UBA2: variants seen among roughly 807,000 people sequenced by gnomAD.
The protein encoded by UBA2 is ubiquitin like modifier activating enzyme 2.
A neutral mutation model predicts 77.2 loss-of-function variants in UBA2; 11 were observed. The ratio of observed to expected loss-of-function variants is 0.14; its 90% confidence interval spans 0.09 to 0.24. The LOEUF (loss-of-function observed/expected upper bound fraction) is 0.24, where lower values mean the gene tolerates loss of function less well. Among genes scored for constraint, UBA2 ranks in the 10% least tolerant of loss-of-function variants. The pLI is 1.00. For missense variants in UBA2, 487 were observed against 781.7 expected, an observed-to-expected ratio of 0.62 and a Z score of 4.50; for synonymous variants, 278 against 276.7, an observed-to-expected ratio of 1.00 and a Z score of -0.05.
intron 6 of UBA2, among the ~76,000 whole-genome samples, chr19:34,442,650 C>G (rs1315881911): frequency 6.6e-6 from 1 of 151,986 alleles, no homozygotes; most frequent in Non-Finnish European, 1.5e-5. Flanking sequence ...AGGCTGGTCT[C>G]AAACTCCTGA....
chr19:34,441,974 C>CCTGTGG (rs1285245185), intron 6 of UBA2, among the ~76,000 whole-genome samples: 1 of 151,100 alleles, frequency 6.6e-6, no homozygotes, highest in Non-Finnish European at 1.5e-5. Context: ...GTGACACACA[C>CCTGTGG]CTGTAATCCC....
Position 34,454,586 on chromosome 19 carries a change from AC to A in UBA2, c.1245+36del, listed in dbSNP as rs761579384. 20 of 1,101,940 alleles carry A rather than the reference AC, an allele frequency of 1.8e-5. No individual in the cohort carries two copies. In the East Asian group the frequency reaches 4.1e-4, roughly 23 times the overall value. 68.3% of individuals were successfully genotyped at this position (1,101,940 alleles called of 1,614,324 possible). ...GTATTTCTGTTTGCATTTTTATGCAACCCCCCTTAAAAAAATCATTAATTAA... is the reference window on the plus strand; with the variant it reads ...GTATTTCTGTTTGCATTTTTATGCAACCCCCTTAAAAAAATCATTAATTAA... On this transcript the variant is annotated intron_variant, in intron 12 of 16. Coordinates refer to ENST00000246548, the MANE Select transcript of UBA2 (RefSeq NM_005499.3).
intron 3 of UBA2, 117 bp from the exon 4 acceptor site, chr19:34,433,231 A>G (rs559377703): frequency 4.5e-5 from 32 of 708,474 alleles, no homozygotes; most frequent in Non-Finnish European, 7.1e-5. Context: ...ATGACATATA[A>G]TCCTGATATC....
chr19:34,443,205 G>C (rs1019926454), intron 6 of UBA2, among the ~76,000 whole-genome samples: 3 of 152,170 alleles, frequency 2.0e-5, no homozygotes, highest in African/African-American at 7.2e-5. Flanking sequence ...GTAGCTGCAG[G>C]TGTAAACACA....
intron 8 of UBA2, among the ~76,000 whole-genome samples, chr19:34,447,989 A>C (rs1299734442): frequency 6.6e-6 from 1 of 152,190 alleles, no homozygotes; most frequent in Non-Finnish European, 1.5e-5. Flanking sequence ...TAAGGGGGAG[A>C]GTGGAAAAAG....
chr19:34,466,557 T>A (rs1425608357), intron 15 of UBA2, among the ~76,000 whole-genome samples: 2 of 152,134 alleles, frequency 1.3e-5, no homozygotes, highest in African/African-American at 4.8e-5. Context: ...CACAGAAATT[T>A]GTTGTGTACC....
At chr19:34,454,172 T>A in intron 10 of UBA2, 88 bp from the exon 11 acceptor site, 1 of 1,190,286 alleles carries the variant, frequency 8.4e-7, no homozygotes, top group Non-Finnish European at 1.2e-6. Context: ...TATAGTATTA[T>A]AAACACGTGA....
intron 4 of UBA2, among the ~76,000 whole-genome samples, chr19:34,434,137 T>G (rs1568367668): frequency 6.6e-6 from 1 of 152,176 alleles, no homozygotes; most frequent in Non-Finnish European, 1.5e-5. Flanking sequence ...TTTTAAGGCT[T>G]GGGGGGTCTC....
chr19:34,431,252 T>C (rs1382640478), intron 2 of UBA2, among the ~76,000 whole-genome samples: 2 of 134,894 alleles, frequency 1.5e-5, no homozygotes, highest in Non-Finnish European at 3.2e-5. Flanking sequence ...TTCTTTTTTT[T>C]TTTTTTTTTT....
chr19:34,438,977 G>A (rs1381208381), intron 6 of UBA2, among the ~76,000 whole-genome samples: 1 of 152,176 alleles, frequency 6.6e-6, no homozygotes, highest in Non-Finnish European at 1.5e-5. Flanking sequence ...GGGAAACTGA[G>A]GTGGTCGGAT....
chr19:34,432,414 T>G (rs1219400684), intron 3 of UBA2, among the ~76,000 whole-genome samples: 1 of 152,114 alleles, frequency 6.6e-6, no homozygotes, highest in Non-Finnish European at 1.5e-5. Context: ...TTTGGAGGAG[T>G]TGGAGCAAAG....
intron 12 of UBA2, among the ~76,000 whole-genome samples, chr19:34,457,788 C>G (rs1261763105): frequency 6.6e-6 from 1 of 152,142 alleles, no homozygotes; most frequent in Admixed American, 6.5e-5. Flanking sequence ...TTTGTTGTTT[C>G]TGTTGGATCT....
At chr19:34,432,856 G>C (rs1183533129) in intron 3 of UBA2, among the ~76,000 whole-genome samples, 2 of 151,462 alleles carry the variant, frequency 1.3e-5, no homozygotes, top group African/African-American at 2.4e-5. Context: ...CACCCGGCCT[G>C]TATCTCCGGC....
chr19:34,438,822 C>A, intron 6 of UBA2, 56 bp downstream of exon 6: 1 of 1,597,182 alleles, frequency 6.3e-7, no homozygotes, highest in Non-Finnish European at 8.5e-7. Flanking sequence ...AAAATGGAGT[C>A]ATTTTTATTT....
intron 3 of UBA2, 62 bp downstream of exon 3, chr19:34,431,993 T>G (rs1320855000): frequency 8.4e-7 from 1 of 1,189,412 alleles, no homozygotes; most frequent in Non-Finnish European, 1.2e-6. Flanking sequence ...ATATATAAGC[T>G]CAAAGTCATT....
At chr19:34,456,707 G>A (rs1481925263) in intron 12 of UBA2, among the ~76,000 whole-genome samples, 1 of 151,774 alleles carries the variant, frequency 6.6e-6, no homozygotes, top group Non-Finnish European at 1.5e-5. Flanking sequence ...ACAGGCGGGT[G>A]CCACCACGCC....
chr19:34,457,180 A>AAATATATATATATATATATATG (rs67173600), intron 12 of UBA2, among the ~76,000 whole-genome samples: 1 of 39,968 alleles, frequency 2.5e-5, no homozygotes, highest in South Asian at 1.1e-3. Context: ...AAAAAAAAAA[A>AAATATATATATATATATATATG]TATATATATA....
chr19:34,456,095 C>CTTTTTTT (rs1393766434), intron 12 of UBA2, among the ~76,000 whole-genome samples: 1 of 69,622 alleles, frequency 1.4e-5, no homozygotes, highest in Admixed American at 2.1e-4. Context: ...TCTTTTTTTC[C>CTTTTTTT]TTTTCTTTTT....
At chr19:34,436,075 A>C (rs2075304575) in intron 5 of UBA2, among the ~76,000 whole-genome samples, 1 of 148,224 alleles carries the variant, frequency 6.7e-6, no homozygotes, top group Admixed American at 6.8e-5. Flanking sequence ...AGCTGAGATC[A>C]CGCCATTGCA....
Sources: gnomAD v4.1 joint callset for allele counts (sites outside exome capture counted in the v4.1 genomes callset) on GRCh38, gnomAD v4.1.1 for gene constraint, MANE v1.5 for transcripts, NCBI Gene and HGNC (gene_info 2026-07-23, HGNC 2026-07-21) for gene names.